The following JAG1 variants were observed in gnomAD, a reference collection of about 807,000 sequenced individuals.
JAG1 encodes protein jagged-1.
Under a neutral mutation model 148.7 loss-of-function variants are expected in JAG1, and 23 were observed. The observed-to-expected ratio is 0.15, with a 90% CI of 0.11 to 0.22. The LOEUF is 0.22. Ranked by LOEUF, JAG1 falls within the 10% of genes least tolerant of loss-of-function variation. The probability of loss-of-function intolerance (pLI) is 1.00; values close to 1 mark genes in which losing one functional copy is unlikely to be tolerated. For synonymous variants in JAG1, 572 were observed against 598.3 expected, an observed-to-expected ratio of 0.96 and a Z score of 0.64; for missense variants, 1,054 against 1,611.2, an observed-to-expected ratio of 0.65 and a Z score of 5.92.
rs149366993 is a variant in JAG1 at position 10,648,679 on chromosome 20, G to A, written c.1439C>T (p.Ala480Val). ...GATGTCTCTCTCACAGTGATCGCCT[G>A]CATAGCCAGGTGGACAGATACAGCG... ...GYRCICPPGY[A>V]GDHCERDIDE... The change falls in exon 12 of 26, where the codon GCA becomes GTA. Residue 480 changes from alanine to valine, a missense_variant. Physicochemically the swap from Ala to Val is moderately conservative, Grantham distance 64. Coordinates refer to ENST00000254958, the MANE Select transcript of JAG1 (RefSeq NM_000214.3). 932 of 1,614,202 alleles carry A rather than the reference G, an allele frequency of 5.8e-4. 12 individuals are homozygous for A. In the South Asian group the frequency reaches 9.6e-3, roughly 17 times the overall value.
chr20:10,641,463 T>G lies in JAG1; in HGVS notation c.2913A>C (p.Ser971=). The part of the protein sequence containing the change: ...ITFTFNKEMM[S]PGLTTEHICS... ...AAAAACAAAGGTTGTTACATACTGGTGACATCATCTCCTTGTTAAAGGTAA... is the reference window on the plus strand; with the variant it reads ...AAAAACAAAGGTTGTTACATACTGGGGACATCATCTCCTTGTTAAAGGTAA... Residue 971 remains serine, a synonymous_variant, in exon 23 of 26, where the codon TCA becomes TCC. Coordinates refer to ENST00000254958, the MANE Select transcript of JAG1 (RefSeq NM_000214.3). 6.8e-6 allele frequency: 11 copies of G among 1,611,492 alleles called. No individual in the cohort carries two copies. Among genetic ancestry groups the G allele is most frequent in the Non-Finnish European group, 9.3e-6 (11 of 1,178,204 alleles).
intron 21 of JAG1, 92 bp from the exon 22 acceptor site, chr20:10,641,984 T>C: frequency 2.4e-6 from 2 of 845,262 alleles, no homozygotes; most frequent in Non-Finnish European, 4.1e-6. Flanking sequence ...GTTATGCCTG[T>C]GCCCTTTGCC....
Position 10,639,723 on chromosome 20 carries a change from G to A in JAG1, c.3432C>T (p.Ser1144=). 13 of 1,614,114 alleles carry A rather than the reference G, an allele frequency of 8.1e-6. No homozygotes were observed. Among genetic ancestry groups the A allele is most frequent in the Non-Finnish European group, 1.1e-5 (13 of 1,179,982 alleles). Residue 1144 remains serine, a synonymous_variant, in exon 26 of 26, where the codon TCC becomes TCT. Transcript: ENST00000254958. ...TGTGTGTCCTTATTTTAGACATTTT[G>A]GAGTTCTTGTTCTCATAATCCTTGA... ...VPIKDYENKN[S]KMSKIRTHNS...
Position 10,673,334 on chromosome 20 carries a change from G to C in JAG1, c.81+116C>G. ...CCAGGTGCAGCCGCTCGGGCGCAGG[G>C]GCGAGGAGTCGGGCGCTCGAGGGCT... On this transcript the variant is annotated intron_variant, in intron 1 of 25. Transcript: ENST00000254958. This position sits in a 1 kb window ranked among gnomAD's most constrained non-coding sequence, Gnocchi z 4.7. The C allele has an allele frequency of 2.5e-6, 2 of 803,792 alleles. No individual in the cohort carries two copies. The highest frequency in any genetic ancestry group is 3.9e-6 in the Non-Finnish European group (2 of 517,708). 49.8% of individuals were successfully genotyped at this position (803,792 alleles called of 1,614,324 possible).
At chr20:10,672,621 C>A in intron 2 of JAG1, 80 bp downstream of exon 2, 6 of 1,421,178 alleles carry the variant, frequency 4.2e-6, no homozygotes, top group Non-Finnish European at 5.9e-6. Flanking sequence ...CCCTTTAAAT[C>A]CCTCTCGCAA....
chr20:10,649,828 C>T (rs938832130), intron 9 of JAG1, 193 bp from the exon 10 acceptor site: 69 of 621,022 alleles, frequency 1.1e-4, no homozygotes, highest in Admixed American at 8.1e-4. Context: ...CAATAAGAAC[C>T]CTAATTGATA....
intron 12 of JAG1, 21 bp from the exon 13 acceptor site, chr20:10,648,131 GA>G: frequency 1.2e-6 from 2 of 1,614,078 alleles, no homozygotes; most frequent in Non-Finnish European, 8.5e-7. Context: ...CAGGAACAGC[GA>G]AAAGGGGGAG....
At chr20:10,644,605 G>A in intron 18 of JAG1, 1 of 647,022 alleles carries the variant, frequency 1.5e-6, no homozygotes, top group Non-Finnish European at 2.8e-6. Flanking sequence ...GGATAGGGGT[G>A]GGGGTGAGAA....
At chr20:10,654,892 G>C (rs1315588362) in intron 5 of JAG1, among the ~76,000 whole-genome samples, 1 of 152,116 alleles carries the variant, frequency 6.6e-6, no homozygotes, top group South Asian at 2.1e-4. Context: ...AATCACAGTC[G>C]GCCTCCGCTG....
At chr20:10,652,056 T>G in intron 7 of JAG1, 75 bp downstream of exon 7, 2 of 1,520,514 alleles carry the variant, frequency 1.3e-6, no homozygotes, top group South Asian at 2.3e-5. Context: ...CTTAAACAAG[T>G]CCTTAAGTAT....
At chr20:10,651,731 T>C in intron 7 of JAG1, 37 bp from the exon 8 acceptor site, 1 of 1,315,930 alleles carries the variant, frequency 7.6e-7, no homozygotes, top group Non-Finnish European at 1.1e-6. Flanking sequence ...GAGGGATGCC[T>C]GCACACCGTT....
Position 10,673,164 on chromosome 20 carries a change from GGC to G in JAG1, c.82-160_82-159del. 4.8e-6 allele frequency: 3 copies of G among 619,796 alleles called. No individual in the cohort carries two copies. The highest frequency in any genetic ancestry group is 2.3e-5 in the African/African-American group (1 of 44,258). 38.4% of individuals were successfully genotyped at this position (619,796 alleles called of 1,614,324 possible). On this transcript the variant is annotated intron_variant, in intron 1 of 25. Transcript: ENST00000254958. This position sits in a 1 kb window ranked among gnomAD's most constrained non-coding sequence, Gnocchi z 4.7. The stretch of plus-strand genomic sequence containing the variant: ...GTTCAAGGACTCAACATGATTCCGG[GGC>G]AAAAAAAAAAAAAAATGCACGAGTG...
intron 13 of JAG1, 90 bp from the exon 14 acceptor site, chr20:10,647,193 G>T: frequency 6.8e-7 from 1 of 1,475,274 alleles, no homozygotes; most frequent in South Asian, 1.2e-5. Context: ...CCACTTTCCT[G>T]GAGACAGGGA....
In JAG1 at chr20:10,648,045, A is replaced by G. The variant is rs730152; in HGVS notation, c.1635T>C (p.Ser545=). The G allele has an allele frequency of 2.5e-6, 4 of 1,614,010 alleles. No homozygotes were observed. Among genetic ancestry groups the G allele is most frequent in the Non-Finnish European group, 3.4e-6 (4 of 1,180,048 alleles). The change falls in exon 13 of 26, where the codon AGT becomes AGC. Residue 545 remains serine, a synonymous_variant. Coordinates refer to ENST00000254958, the MANE Select transcript of JAG1 (RefSeq NM_000214.3). ...QNGAQCYNRA[S]DYFCKCPEDY... is the part of the protein sequence containing the mutation. ...CCTCGGGGCACTTGCAGAAATAGTC[A>G]CTGGCACGGTTGTAGCACTGGGCAC...
intron 10 of JAG1, 138 bp from the exon 11 acceptor site, chr20:10,649,245 G>T (rs1165760468): frequency 2.9e-6 from 2 of 695,050 alleles, no homozygotes; most frequent in Non-Finnish European, 5.1e-6. Flanking sequence ...AGGTTATTAC[G>T]CTGGGTGGGG....
chr20:10,664,373 AACACACACACACACACACAC>A (rs59417356), intron 2 of JAG1, among the ~76,000 whole-genome samples: 3 of 144,688 alleles, frequency 2.1e-5, no homozygotes, highest in Admixed American at 6.9e-5. Flanking sequence ...TGCATGAGGA[AACACACACACACACACACAC>A]ACACACACAC....
At chr20:10,640,444 G>C (rs541918720) in intron 25 of JAG1, among the ~76,000 whole-genome samples, 1 of 152,244 alleles carries the variant, frequency 6.6e-6, no homozygotes. Flanking sequence ...CAGTGGCTAG[G>C]CTGTCCCAGG....
Position 10,648,089 on chromosome 20 carries a change from G to A in JAG1, c.1591C>T (p.Pro531Ser). The change falls in exon 13 of 26, where the codon CCT becomes TCT. Residue 531 changes from proline to serine, a missense_variant. Transcript: ENST00000254958. Reference protein sequence around the residue: ...LCQLDIDYCEPNPCQNGAQCY... With the variant: ...LCQLDIDYCESNPCQNGAQCY... The stretch of plus-strand genomic sequence containing the variant: ...TGGGCACCGTTCTGGCAGGGATTAG[G>A]CTCACAATAATCGATGTCCAGCTGC... The A allele has an allele frequency of 6.2e-7, 1 of 1,614,174 alleles. No individual in the cohort carries two copies. Among genetic ancestry groups the A allele is most frequent in the Non-Finnish European group, 8.5e-7 (1 of 1,180,030 alleles).
chr20:10,644,269 G>A, intron 19 of JAG1, 88 bp downstream of exon 19: 1 of 890,136 alleles, frequency 1.1e-6, no homozygotes, highest in Non-Finnish European at 1.7e-6. Context: ...CAATCCCTGG[G>A]TGATTCTCAC....
Sources: allele counts gnomAD v4.1 joint callset (sites outside exome capture counted in the v4.1 genomes callset), GRCh38; gene constraint gnomAD v4.1.1; non-coding constraint Gnocchi (gnomAD v3.1); transcripts MANE v1.5; gene names NCBI Gene and HGNC (gene_info 2026-07-23, HGNC 2026-07-21).